The following KCNQ3 variants were observed in gnomAD, a reference collection of about 807,000 sequenced individuals.
KCNQ3 encodes the protein potassium voltage-gated channel subfamily KQT member 3.
A neutral mutation model predicts 92.5 loss-of-function variants in KCNQ3; 30 were observed. The ratio of observed to expected loss-of-function variants is 0.32; its 90% CI spans 0.24 to 0.44. The LOEUF is 0.44. Among genes scored for constraint, KCNQ3 ranks in the 20% least tolerant of loss-of-function variants. KCNQ3 has a pLI of 1.00. For synonymous variants in KCNQ3, 450 were observed against 468.8 expected, an observed-to-expected ratio of 0.96 and a Z score of 0.52; for missense variants, 913 against 1,140.3, an observed-to-expected ratio of 0.80 and a Z score of 2.87.
chr8:132,318,984 G>A (rs1817820063), intron 1 of KCNQ3, among the ~76,000 whole-genome samples: 1 of 152,166 alleles, frequency 6.6e-6, no homozygotes, highest in Non-Finnish European at 1.5e-5. Flanking sequence ...AGACTAAGGG[G>A]GAAGGTTTCA....
chr8:132,384,682 A>G (rs1819846262), intron 1 of KCNQ3, among the ~76,000 whole-genome samples: 1 of 152,178 alleles, frequency 6.6e-6, no homozygotes, highest in African/African-American at 2.4e-5. Flanking sequence ...TTAATATTTA[A>G]AAGTAACTGC....
intron 1 of KCNQ3, among the ~76,000 whole-genome samples, chr8:132,468,164 C>T (rs573340854): frequency 5.5e-4 from 84 of 152,300 alleles, no homozygotes; most frequent in Non-Finnish European, 1.1e-3. Flanking sequence ...TTCAGATTGG[C>T]ATTACCAGGG....
At chr8:132,273,071 C>T (rs755143289) in intron 1 of KCNQ3, among the ~76,000 whole-genome samples, 5 of 152,106 alleles carry the variant, frequency 3.3e-5, no homozygotes, top group African/African-American at 4.8e-5. Flanking sequence ...TGGAGGATGG[C>T]GGCCTTCTTC....
intron 1 of KCNQ3, among the ~76,000 whole-genome samples, chr8:132,240,784 A>G (rs1290081337): frequency 3.9e-5 from 6 of 152,270 alleles, no homozygotes; most frequent in Admixed American, 3.9e-4. Flanking sequence ...ATGAAAGAAT[A>G]AGTGAACTAG....
chr8:132,402,035 G>T (rs866895772), intron 1 of KCNQ3, among the ~76,000 whole-genome samples: 25 of 152,338 alleles, frequency 1.6e-4, no homozygotes, highest in Admixed American at 3.3e-4. Flanking sequence ...TCTCCTTGCA[G>T]ACCTGGGGGC....
At chr8:132,166,624 T>C (rs1050257177) in intron 8 of KCNQ3, among the ~76,000 whole-genome samples, 3 of 152,208 alleles carry the variant, frequency 2.0e-5, no homozygotes, top group Non-Finnish European at 4.4e-5. Context: ...GGGTTTGGAC[T>C]TGAAACTCTT....
chr8:132,421,368 C>T (rs572594740), intron 1 of KCNQ3, among the ~76,000 whole-genome samples: 36 of 152,276 alleles, frequency 2.4e-4, no homozygotes, highest in African/African-American at 6.7e-4. Flanking sequence ...AAGAAGCCAA[C>T]GCTGGGAAAT....
chr8:132,226,123 T>C (rs1814410594), intron 1 of KCNQ3, among the ~76,000 whole-genome samples: 2 of 151,964 alleles, frequency 1.3e-5, no homozygotes, highest in Non-Finnish European at 1.5e-5. Flanking sequence ...TACAAAAAAT[T>C]AGCCGGACAT....
intron 1 of KCNQ3, among the ~76,000 whole-genome samples, chr8:132,423,028 C>A (rs988625206): frequency 7.9e-5 from 12 of 152,124 alleles, no homozygotes; most frequent in Non-Finnish European, 1.8e-4. Context: ...AGCCCCTTCC[C>A]AAGACGCACA....
chr8:132,250,377 A>G (rs1815365314), intron 1 of KCNQ3, among the ~76,000 whole-genome samples: 1 of 152,238 alleles, frequency 6.6e-6, no homozygotes, highest in Non-Finnish European at 1.5e-5. Flanking sequence ...TTTAATGAAG[A>G]AAAACGGAAA....
chr8:132,407,117 C>A (rs77616674), intron 1 of KCNQ3, among the ~76,000 whole-genome samples: 10,376 of 152,170 alleles, frequency 0.068, 379 homozygotes, highest in East Asian at 0.12. Flanking sequence ...GCAGGTCCTG[C>A]CGAGGAAGAG....
At chr8:132,156,916 T>C (rs188926775) in intron 9 of KCNQ3, among the ~76,000 whole-genome samples, 23 of 152,068 alleles carry the variant, frequency 1.5e-4, no homozygotes, top group Admixed American at 1.5e-3. Context: ...AAGAAAGCCA[T>C]GTAAAGTGGG....
chr8:132,239,794 G>T (rs139926133), intron 1 of KCNQ3, among the ~76,000 whole-genome samples: 5 of 152,126 alleles, frequency 3.3e-5, no homozygotes, highest in Admixed American at 1.3e-4. Context: ...TTGAGTGATC[G>T]TGCACAAGTC....
chr8:132,441,709 C>T (rs1287803315), intron 1 of KCNQ3, among the ~76,000 whole-genome samples: 2 of 152,190 alleles, frequency 1.3e-5, no homozygotes, highest in Non-Finnish European at 1.5e-5. Context: ...CTGCCTTCCA[C>T]AATGGCTAAA....
At chr8:132,221,855 C>A (rs548033264) in intron 1 of KCNQ3, among the ~76,000 whole-genome samples, 9 of 152,266 alleles carry the variant, frequency 5.9e-5, no homozygotes, top group Non-Finnish European at 1.2e-4. Flanking sequence ...GGAAAACTGG[C>A]TAGCCATACG....
intron 1 of KCNQ3, among the ~76,000 whole-genome samples, chr8:132,295,167 C>T (rs1344310612): frequency 1.3e-5 from 2 of 152,144 alleles, no homozygotes; most frequent in African/African-American, 4.8e-5. Context: ...ACAGAATCTA[C>T]AAGGAACTTA....
chr8:132,352,615 C>T (rs758680402), intron 1 of KCNQ3, among the ~76,000 whole-genome samples: 8 of 152,250 alleles, frequency 5.3e-5, no homozygotes, highest in East Asian at 1.9e-4. Flanking sequence ...CAGATCGGAC[C>T]GCAAGGTGGC....
intron 1 of KCNQ3, among the ~76,000 whole-genome samples, chr8:132,244,222 A>G (rs1440070440): frequency 6.6e-6 from 1 of 152,250 alleles, no homozygotes; most frequent in Non-Finnish European, 1.5e-5. Flanking sequence ...CTTGAATTAT[A>G]GTTTGACATA....
chr8:132,448,635 C>G (rs1821749667), intron 1 of KCNQ3, among the ~76,000 whole-genome samples: 3 of 151,730 alleles, frequency 2.0e-5, no homozygotes, highest in African/African-American at 7.3e-5. Flanking sequence ...AAAAACTAAG[C>G]AAAAGCAATC....
Sources: allele counts gnomAD v4.1 joint callset (sites outside exome capture counted in the v4.1 genomes callset), GRCh38; gene constraint gnomAD v4.1.1; transcripts MANE v1.5; gene names NCBI Gene and HGNC (gene_info 2026-07-23, HGNC 2026-07-21).